The following CFAP20DC variants were observed in gnomAD, a reference collection of about 807,000 sequenced individuals.
CFAP20DC encodes the protein protein CFAP20DC.
A neutral mutation model predicts 101.7 loss-of-function variants in CFAP20DC; 84 were observed. The ratio of observed to expected loss-of-function variants is 0.83; its 90% CI spans 0.69 to 0.99. The LOEUF (loss-of-function observed/expected upper bound fraction) is 0.99. Ranked by LOEUF, CFAP20DC falls within the 50% of genes least tolerant of loss-of-function variation. CFAP20DC has a pLI of 0.00. For missense variants in CFAP20DC, 1,007 were observed against 970.3 expected (o/e 1.04, Z -0.50); for synonymous variants, 359 against 351.2 (o/e 1.02, Z -0.25).
chr3:58,854,011 A>G (rs2078515066), intron 12 of CFAP20DC, among the ~76,000 whole-genome samples: 1 of 152,096 alleles, frequency 6.6e-6, no homozygotes, highest in Non-Finnish European at 1.5e-5. Flanking sequence ...AAGGAAATAA[A>G]GGGTATTCAA....
At chr3:59,047,493 C>T (rs1374198065) in intron 1 of CFAP20DC, among the ~76,000 whole-genome samples, 1 of 152,134 alleles carries the variant, frequency 6.6e-6, no homozygotes, top group Non-Finnish European at 1.5e-5. Context: ...AACATTAAAT[C>T]AATTGTGCCA....
At chr3:58,933,320 A>C (rs1333666717) in intron 5 of CFAP20DC, among the ~76,000 whole-genome samples, 4 of 151,512 alleles carry the variant, frequency 2.6e-5, no homozygotes, top group African/African-American at 9.7e-5. Context: ...CACAATAATA[A>C]TGGGAGACTT....
chr3:58,829,791 G>A (rs1270486424), intron 14 of CFAP20DC, among the ~76,000 whole-genome samples: 1 of 152,122 alleles, frequency 6.6e-6, no homozygotes, highest in Non-Finnish European at 1.5e-5. Flanking sequence ...TGTATCCAGG[G>A]CAACCAAGAG....
At chr3:58,927,267 G>A (rs2086091294) in intron 5 of CFAP20DC, among the ~76,000 whole-genome samples, 1 of 152,140 alleles carries the variant, frequency 6.6e-6, no homozygotes, top group Admixed American at 6.5e-5. Context: ...GTGGCTAGAA[G>A]AATATTAACT....
chr3:58,740,270 T>C (rs540529432), downstream of CFAP20DC, among the ~76,000 whole-genome samples: 4 of 152,184 alleles, frequency 2.6e-5, no homozygotes, highest in Non-Finnish European at 4.4e-5. This position sits in a 1 kb window ranked among gnomAD's most constrained non-coding sequence, Gnocchi z 4.6. Context: ...TTTTTGCCTG[T>C]CTGACACCCC....
chr3:58,781,305 C>T (rs72881620), intron 15 of CFAP20DC, among the ~76,000 whole-genome samples: 6,163 of 151,562 alleles, frequency 0.041, 167 homozygotes, highest in African/African-American at 0.084. Flanking sequence ...GAGAAGTTTA[C>T]AGCAATGAAC....
chr3:59,044,498 TTC>T (rs1401111470), intron 3 of CFAP20DC, among the ~76,000 whole-genome samples: 6 of 152,120 alleles, frequency 3.9e-5, no homozygotes, highest in Admixed American at 1.3e-4. Flanking sequence ...TAAAAGATTT[TTC>T]TGTTTTTTTA....
chr3:58,883,848 T>C (rs1321970738), intron 7 of CFAP20DC, among the ~76,000 whole-genome samples: 1 of 152,134 alleles, frequency 6.6e-6, no homozygotes, highest in Non-Finnish European at 1.5e-5. Context: ...TTCTAACATA[T>C]AGGTAGTTGA....
Position 58,847,276 on chromosome 3 carries a change from G to C in CFAP20DC, c.1971+1756C>G, listed in dbSNP as rs1184460164. ...TTCGCAACCTACTCATCTGACAAAG[G>C]GCTAATATCCAGAATCTACAATGAA... is the stretch of plus-strand genomic sequence containing the variant. On this transcript the variant is annotated intron_variant, in intron 13 of 16. Coordinates refer to ENST00000482387, the MANE Select transcript of CFAP20DC (RefSeq NM_001394063.1). Among the ~76,000 whole-genome samples the C allele has an allele frequency of 5.1e-5, 7 of 138,264 alleles. No homozygotes were observed. In the South Asian group the frequency reaches 1.5e-3, roughly 30 times the overall value. The allele number at this position is 138,264 out of a possible 152,430, so 90.7% of individuals were successfully genotyped here.
At chr3:58,987,774 A>T (rs936874528) in intron 4 of CFAP20DC, among the ~76,000 whole-genome samples, 1 of 151,980 alleles carries the variant, frequency 6.6e-6, no homozygotes, top group African/African-American at 2.4e-5. Flanking sequence ...AGAATTGACA[A>T]GAGAAAAAAA....
At position 58,864,820 on chromosome 3, in the gene CFAP20DC, G is replaced by A. The variant is rs2079540651; in HGVS notation, c.1259-928C>T. On this transcript the variant is annotated intron_variant, in intron 11 of 16. Coordinates refer to ENST00000482387, the MANE Select transcript of CFAP20DC (RefSeq NM_001394063.1). The surrounding 1 kb of genome is among the most constrained non-coding windows in gnomAD (Gnocchi z 4.7). ...CAGTGGATTCTGCTGGGTGAAAAAGGTCTTTAAGTTTACAAGAGACAATGT... is the reference window on the plus strand; with the variant it reads ...CAGTGGATTCTGCTGGGTGAAAAAGATCTTTAAGTTTACAAGAGACAATGT... Among the ~76,000 whole-genome samples, 2 of 152,230 alleles carry A rather than the reference G, an allele frequency of 1.3e-5. No individual in the cohort carries two copies. The highest frequency in any genetic ancestry group is 6.8e-3 in the Middle Eastern group (2 of 292).
Position 58,742,594 on chromosome 3 carries a change from GAC to G in CFAP20DC, c.2333-24_2333-23del, listed in dbSNP as rs767102010. 7.6e-6 allele frequency: 12 copies of G among 1,575,170 alleles called. No homozygotes were observed. The East Asian group carries it at 2.3e-4, about 30-fold the overall frequency. On this transcript the variant is annotated intron_variant, in intron 16 of 16. Transcript: ENST00000482387. ...TCACCTGTGGGGAAGGGGAACCACA[GAC>G]ACATTAGCTGTTGGCTTGGCCCGGA...
At chr3:58,952,240 T>A (rs2090198043) in intron 4 of CFAP20DC, among the ~76,000 whole-genome samples, 1 of 152,186 alleles carries the variant, frequency 6.6e-6, no homozygotes. Flanking sequence ...TTTCAGTTAC[T>A]CAGGATCCAA....
chr3:58,809,908 G>A (rs1363592536), intron 14 of CFAP20DC, among the ~76,000 whole-genome samples: 1 of 152,110 alleles, frequency 6.6e-6, no homozygotes, highest in African/African-American at 2.4e-5. Context: ...ACTACCATCA[G>A]GGAATAGTAC....
At chr3:58,985,192 T>C (rs2092709865) in intron 4 of CFAP20DC, among the ~76,000 whole-genome samples, 1 of 152,188 alleles carries the variant, frequency 6.6e-6, no homozygotes, top group South Asian at 2.1e-4. Flanking sequence ...CCTCCCAAAG[T>C]GTTGGGATTA....
intron 15 of CFAP20DC, among the ~76,000 whole-genome samples, chr3:58,802,029 A>G (rs899066984): frequency 7.9e-5 from 12 of 152,202 alleles, no homozygotes; most frequent in African/African-American, 2.9e-4. Context: ...CCTCCCCCTA[A>G]TTTTCCAATG....
intron 4 of CFAP20DC, among the ~76,000 whole-genome samples, chr3:58,941,112 C>T (rs942653568): frequency 5.9e-5 from 9 of 151,856 alleles, no homozygotes; most frequent in Non-Finnish European, 8.8e-5. Flanking sequence ...GGGTGGATCA[C>T]GAGGTCAAGA....
At chr3:58,819,468 C>G (rs1187813450) in intron 14 of CFAP20DC, among the ~76,000 whole-genome samples, 1 of 149,298 alleles carries the variant, frequency 6.7e-6, no homozygotes. Context: ...ATATCACCAC[C>G]GATCCCACAG....
chr3:59,040,108 T>C (rs1284775403), intron 3 of CFAP20DC, among the ~76,000 whole-genome samples: 2 of 152,060 alleles, frequency 1.3e-5, no homozygotes, highest in East Asian at 3.9e-4. Context: ...AACTGAAGGT[T>C]TGATGAGCCA....
Sources: gnomAD v4.1 joint callset for allele counts (sites outside exome capture counted in the v4.1 genomes callset) on GRCh38, gnomAD v4.1.1 for gene constraint, Gnocchi (gnomAD v3.1) non-coding constraint, MANE v1.5 for transcripts, NCBI Gene and HGNC (gene_info 2026-07-23, HGNC 2026-07-21) for gene names.